The following CEP112 variants were observed in gnomAD, a reference collection of about 807,000 sequenced individuals.
The protein encoded by CEP112 is centrosomal protein of 112 kDa.
CEP112 carries 127 observed loss-of-function variants against 153.0 expected under a neutral mutation model. That is an observed-to-expected ratio of 0.83 (90% CI 0.72 to 0.96). CEP112 has a LOEUF of 0.96. Among genes scored for constraint, CEP112 ranks in the 40% least tolerant of loss-of-function variants. The pLI, the probability that CEP112 is intolerant of heterozygous loss-of-function variation, is 0.00. For synonymous variants in CEP112, 358 were observed against 374.4 expected (o/e 0.96, Z 0.51); for missense variants, 1,089 against 1,101.2 (o/e 0.99, Z 0.16).
chr17:65,886,412 T>C (rs957513691), intron 20 of CEP112, among the ~76,000 whole-genome samples: 2 of 152,204 alleles, frequency 1.3e-5, no homozygotes, highest in Non-Finnish European at 2.9e-5. Context: ...TTGTCAGAGT[T>C]TCTGCAGTAT....
intron 20 of CEP112, among the ~76,000 whole-genome samples, chr17:65,886,386 T>A (rs1021266568): frequency 3.3e-5 from 5 of 152,218 alleles, no homozygotes; most frequent in African/African-American, 1.2e-4. Flanking sequence ...TGCAGACACA[T>A]CCTTGTGTTT....
chr17:65,975,016 CA>C (rs2062980415), intron 17 of CEP112, among the ~76,000 whole-genome samples: 1 of 150,938 alleles, frequency 6.6e-6, no homozygotes, highest in South Asian at 2.1e-4. Flanking sequence ...CAAACAGAAA[CA>C]AATAAACATA....
At chr17:65,710,419 T>C (rs2049118304) in intron 23 of CEP112, among the ~76,000 whole-genome samples, 1 of 152,226 alleles carries the variant, frequency 6.6e-6, no homozygotes. Context: ...TTGTACCATA[T>C]GCATCTCTCT....
At chr17:65,700,877 T>C (rs925774344) in intron 23 of CEP112, among the ~76,000 whole-genome samples, 24 of 152,046 alleles carry the variant, frequency 1.6e-4, no homozygotes, top group Admixed American at 5.9e-4. Context: ...TCTCAGCATA[T>C]AGGAGAAAAC....
At chr17:65,834,671 G>A (rs1198960268) in intron 21 of CEP112, among the ~76,000 whole-genome samples, 1 of 152,110 alleles carries the variant, frequency 6.6e-6, no homozygotes, top group East Asian at 1.9e-4. Context: ...AGTCAGAATG[G>A]CTATTAGTAA....
intron 17 of CEP112, among the ~76,000 whole-genome samples, chr17:65,998,963 T>C (rs889972926): frequency 1.3e-5 from 2 of 152,114 alleles, no homozygotes; most frequent in Non-Finnish European, 2.9e-5. Flanking sequence ...AAAGCAAATT[T>C]AGAATTTAAA....
At chr17:65,899,864 T>C (rs1345029688) in intron 20 of CEP112, among the ~76,000 whole-genome samples, 4 of 152,172 alleles carry the variant, frequency 2.6e-5, no homozygotes, top group Admixed American at 2.6e-4. Context: ...AATTATACAA[T>C]CTAATATTTA....
intron 4 of CEP112, among the ~76,000 whole-genome samples, chr17:66,135,900 T>C (rs1362785065): frequency 6.6e-6 from 1 of 152,144 alleles, no homozygotes; most frequent in Non-Finnish European, 1.5e-5. Context: ...ACCAATCAAA[T>C]GTCCTCCTGT....
At chr17:65,969,400 A>G (rs2062548125) in intron 17 of CEP112, among the ~76,000 whole-genome samples, 1 of 152,200 alleles carries the variant, frequency 6.6e-6, no homozygotes, top group Admixed American at 6.5e-5. Flanking sequence ...TACATACCAC[A>G]TGCATATCAC....
At chr17:65,831,112 T>C (rs1178899540) in intron 21 of CEP112, among the ~76,000 whole-genome samples, 1 of 152,222 alleles carries the variant, frequency 6.6e-6, no homozygotes, top group Non-Finnish European at 1.5e-5. Flanking sequence ...AGAAAGTGGA[T>C]GTCTCCTCAA....
intron 12 of CEP112, among the ~76,000 whole-genome samples, chr17:66,048,346 A>G (rs930702416): frequency 2.0e-5 from 3 of 152,188 alleles, no homozygotes; most frequent in Non-Finnish European, 4.4e-5. Context: ...CATATATAGA[A>G]GTTCAATATA....
chr17:65,946,078 A>G (rs2061640418), intron 18 of CEP112, among the ~76,000 whole-genome samples: 1 of 152,200 alleles, frequency 6.6e-6, no homozygotes, highest in Admixed American at 6.5e-5. Context: ...TATTCTGGAT[A>G]TGAGTCTTTT....
intron 12 of CEP112, among the ~76,000 whole-genome samples, chr17:66,037,429 T>C (rs886293081): frequency 6.6e-6 from 1 of 152,126 alleles, no homozygotes; most frequent in Non-Finnish European, 1.5e-5. Flanking sequence ...CATGCTAATG[T>C]CACTGCGGTA....
chr17:65,780,618 T>A (rs1414451528), intron 21 of CEP112, among the ~76,000 whole-genome samples: 1 of 152,140 alleles, frequency 6.6e-6, no homozygotes, highest in East Asian at 1.9e-4. Context: ...AATGTGTGAT[T>A]TGACAAATGT....
intron 6 of CEP112, among the ~76,000 whole-genome samples, chr17:66,111,442 C>A (rs796323059): frequency 6.6e-6 from 1 of 152,018 alleles, no homozygotes; most frequent in African/African-American, 2.4e-5. Context: ...GCAAAGACAT[C>A]GAATCAACCT....
chr17:66,079,816 G>A (rs952341127), intron 8 of CEP112, among the ~76,000 whole-genome samples: 1 of 152,018 alleles, frequency 6.6e-6, no homozygotes, highest in African/African-American at 2.4e-5. Flanking sequence ...CAGGTATATA[G>A]ATCAACGGAA....
At chr17:65,875,254 A>C (rs1431150104) in intron 20 of CEP112, among the ~76,000 whole-genome samples, 1 of 152,140 alleles carries the variant, frequency 6.6e-6, no homozygotes, top group Non-Finnish European at 1.5e-5. Flanking sequence ...ACACAAATAG[A>C]AAAAGAACAG....
intron 17 of CEP112, among the ~76,000 whole-genome samples, chr17:65,981,989 C>G (rs986651525): frequency 6.6e-6 from 1 of 152,034 alleles, no homozygotes; most frequent in Non-Finnish European, 1.5e-5. Context: ...GCAAGTATAA[C>G]AACCTAACGA....
At chr17:65,857,708 T>G (rs2146358244) in intron 20 of CEP112, among the ~76,000 whole-genome samples, 1 of 152,352 alleles carries the variant, frequency 6.6e-6, no homozygotes, top group Admixed American at 6.5e-5. Flanking sequence ...AGGGATTTTT[T>G]TTTTTGGACT....
Sources: gnomAD v4.1 joint callset for allele counts (sites outside exome capture counted in the v4.1 genomes callset) on GRCh38, gnomAD v4.1.1 for gene constraint, MANE v1.5 for transcripts, NCBI Gene and HGNC (gene_info 2026-07-23, HGNC 2026-07-21) for gene names.